The following SPEF2 variants were observed in gnomAD, a reference collection of about 807,000 sequenced individuals.
The protein encoded by SPEF2 is sperm flagella and cilia-associated protein 2.
In SPEF2, 187 loss-of-function variants were observed where a neutral mutation model predicts 224.6. The observed-to-expected ratio is 0.83, with a 90% confidence interval of 0.74 to 0.94. SPEF2 has a LOEUF of 0.94. Among genes scored for constraint, SPEF2 ranks in the 40% least tolerant of loss-of-function variants. The pLI is 0.00. For missense variants in SPEF2, 2,170 were observed against 2,135.6 expected (o/e 1.02, Z -0.32); for synonymous variants, 715 against 707.3 (o/e 1.01, Z -0.17).
At chr5:35,771,863 A>G (rs377056057) in intron 27 of SPEF2, 107 bp downstream of exon 27, 1 of 1,327,170 alleles carries the variant, frequency 7.5e-7, no homozygotes. Context: ...CTAAAATACT[A>G]CTCATTAGGT....
intron 1 of SPEF2, among the ~76,000 whole-genome samples, chr5:35,624,308 A>G (rs1743919147): frequency 6.6e-6 from 1 of 152,168 alleles, no homozygotes; most frequent in Non-Finnish European, 1.5e-5. Context: ...TTTTAATCCC[A>G]GATGTAAGTA....
At chr5:35,735,020 T>G (rs1310875894) in intron 21 of SPEF2, among the ~76,000 whole-genome samples, 1 of 152,082 alleles carries the variant, frequency 6.6e-6, no homozygotes, top group Non-Finnish European at 1.5e-5. Context: ...ATGAATTGCT[T>G]TTTTATTGGC....
chr5:35,740,267 T>C lies in SPEF2; in HGVS notation c.3330T>C (p.Asn1110=). The part of the protein sequence containing the change: ...ETKAELHQRV[N]DLRDRLWDIC... ...AGGCTGAACTACATCAACGAGTGAA[T>C]GTAAGGAAATAGTGACCTATTGGGA... The change falls in exon 23 of 37, where the codon AAT becomes AAC. Residue 1110 remains asparagine (N), a splice_region_variant and synonymous_variant. Coordinates refer to ENST00000356031, the MANE Select transcript of SPEF2 (RefSeq NM_024867.4). The C allele has an allele frequency of 6.2e-7, 1 of 1,613,826 alleles. No individual in the cohort carries two copies. The highest frequency in any genetic ancestry group is 8.5e-7 in the Non-Finnish European group (1 of 1,179,910).
Position 35,667,269 on chromosome 5 carries a change from T to C in SPEF2, c.1355+10T>C, listed in dbSNP as rs769464954. 9.4e-6 allele frequency: 15 copies of C among 1,589,736 alleles called. No individual in the cohort carries two copies. In the African/African-American group the frequency reaches 1.9e-4, roughly 20 times the overall value. ...GAATGTTGACAAATAAGTAAGTATT[T>C]TTTTTGTAATAACAGTAGAGACACG... On this transcript the variant is annotated intron_variant, in intron 9 of 36. Transcript: ENST00000356031.
At chr5:35,773,509 T>C (rs1235685298) in intron 27 of SPEF2, among the ~76,000 whole-genome samples, 1 of 152,190 alleles carries the variant, frequency 6.6e-6, no homozygotes, top group Non-Finnish European at 1.5e-5. Flanking sequence ...CTAATAGAAG[T>C]TATCCCTTAT....
At chr5:35,783,901 C>T (rs1205518519) in intron 30 of SPEF2, among the ~76,000 whole-genome samples, 1 of 152,188 alleles carries the variant, frequency 6.6e-6, no homozygotes, top group Non-Finnish European at 1.5e-5. Flanking sequence ...GCCATAAGAA[C>T]TCTTTTTCCT....
At chr5:35,711,598 T>G (rs1741159876) in intron 19 of SPEF2, among the ~76,000 whole-genome samples, 1 of 140,992 alleles carries the variant, frequency 7.1e-6, no homozygotes, top group Non-Finnish European at 1.6e-5. Context: ...CCTTCTTTCC[T>G]TCCTTCCTTA....
At chr5:35,751,025 G>GTGTA (rs1334039360) in intron 23 of SPEF2, among the ~76,000 whole-genome samples, 9 of 68,764 alleles carry the variant, frequency 1.3e-4, no homozygotes, top group Non-Finnish European at 1.7e-4. Context: ...ATATATATAC[G>GTGTA]TATATATATA....
chr5:35,648,054 G>A (rs948007495), intron 5 of SPEF2, among the ~76,000 whole-genome samples: 1 of 152,154 alleles, frequency 6.6e-6, no homozygotes, highest in Admixed American at 6.5e-5. Context: ...ATGTCAAGCT[G>A]TGGATTGGGC....
chr5:35,724,931 A>G (rs1011943619), intron 20 of SPEF2, among the ~76,000 whole-genome samples: 1 of 152,234 alleles, frequency 6.6e-6, no homozygotes, highest in African/African-American at 2.4e-5. Flanking sequence ...ATTAGGTTTT[A>G]TAAGCAACCC....
chr5:35,691,206 T>C lies in SPEF2; in HGVS notation c.1694T>C (p.Leu565Ser), dbSNP rs1487823376. ...TCATTTGCTGTTAAAGGATGCTTAT[T>C]GGGGAAAACATTAAGTGGAAAAACT... Reference protein sequence around the residue: ...LPSFAVKGCLLGKTLSGKTTI... With the variant: ...LPSFAVKGCLSGKTLSGKTTI... The change falls in exon 11 of 37, where the codon TTG becomes TCG. Residue 565 changes from leucine (L) to serine (S), a missense_variant. Physicochemically the swap from Leu to Ser is moderately radical, Grantham distance 145. Coordinates refer to ENST00000356031, the MANE Select transcript of SPEF2 (RefSeq NM_024867.4). 2 of 1,614,036 alleles carry C rather than the reference T, an allele frequency of 1.2e-6. No individual in the cohort carries two copies. Among genetic ancestry groups the C allele is most frequent in the Non-Finnish European group, 1.7e-6 (2 of 1,179,946 alleles).
chr5:35,734,351 A>G (rs1013577372), intron 21 of SPEF2, among the ~76,000 whole-genome samples: 1 of 133,298 alleles, frequency 7.5e-6, no homozygotes, highest in African/African-American at 2.8e-5. Flanking sequence ...TCTTCCCCTA[A>G]ATCAGTGGTG....
In SPEF2 at chr5:35,759,739, C is replaced by A. The variant is rs370732958; in HGVS notation, c.3620+20C>A. The A allele has an allele frequency of 1.3e-6, 2 of 1,522,412 alleles. No individual in the cohort carries two copies. Among genetic ancestry groups the A allele is most frequent in the Admixed American group, 1.9e-5 (1 of 53,828 alleles). The allele number at this position is 1,522,412 out of a possible 1,614,324, so 94.3% of individuals were successfully genotyped here. On this transcript the variant is annotated intron_variant, in intron 25 of 36. Transcript: ENST00000356031. ...GCTTAGGTAAGGCAGGCTATTATATCACACTGTAATTGTTTTGAACATAAA... is the reference window on the plus strand; with the variant it reads ...GCTTAGGTAAGGCAGGCTATTATATAACACTGTAATTGTTTTGAACATAAA...
At chr5:35,793,727 AACACACAC>A (rs374573342) in intron 32 of SPEF2, among the ~76,000 whole-genome samples, 100 of 100,792 alleles carry the variant, frequency 9.9e-4, no homozygotes, top group African/African-American at 1.4e-3. Context: ...CAGTGGTTAA[AACACACAC>A]ACACACACAC....
chr5:35,736,734 G>A (rs1052723847), intron 21 of SPEF2, among the ~76,000 whole-genome samples: 1 of 152,144 alleles, frequency 6.6e-6, no homozygotes, highest in Non-Finnish European at 1.5e-5. Flanking sequence ...TTACAAAATT[G>A]GTCTTGTTTG....
chr5:35,763,594 G>T lies in SPEF2; in HGVS notation c.3693G>T (p.Leu1231=). The T allele has an allele frequency of 6.2e-7, 1 of 1,613,910 alleles. No homozygotes were observed. Among genetic ancestry groups the T allele is most frequent in the Non-Finnish European group, 8.5e-7 (1 of 1,179,924 alleles). The change falls in exon 26 of 37, where the codon CTG becomes CTT. Residue 1231 remains leucine (L), a synonymous_variant. Coordinates refer to ENST00000356031, the MANE Select transcript of SPEF2 (RefSeq NM_024867.4). ...CCAAACCAAAAACAAAATCAGTACT[G>T]AAGGGCAAGATGGATAACTCCCTAG... ...VTPKPKTKSV[L]KGKMDNSLEN...
At chr5:35,812,992 C>A (rs1758630887) in intron 36 of SPEF2, among the ~76,000 whole-genome samples, 1 of 152,186 alleles carries the variant, frequency 6.6e-6, no homozygotes, top group Admixed American at 6.5e-5. Context: ...TCTCCATTCA[C>A]TGCTACTGAA....
At chr5:35,635,028 C>T (rs987640112) in intron 2 of SPEF2, among the ~76,000 whole-genome samples, 8 of 151,962 alleles carry the variant, frequency 5.3e-5, no homozygotes, top group South Asian at 4.2e-4. Flanking sequence ...AGAATACTAG[C>T]GAAGTGATTT....
intron 19 of SPEF2, chr5:35,710,376 G>A (rs1740851215): frequency 9.2e-6 from 5 of 543,174 alleles, no homozygotes; most frequent in Non-Finnish European, 8.6e-6. Context: ...TGGCCAACAG[G>A]GCAAAACCCA....
Sources: allele counts gnomAD v4.1 joint callset (sites outside exome capture counted in the v4.1 genomes callset), GRCh38; gene constraint gnomAD v4.1.1; transcripts MANE v1.5; gene names NCBI Gene and HGNC (gene_info 2026-07-23, HGNC 2026-07-21).